The following DYNLRB1 variants were observed in gnomAD, a reference collection of about 807,000 sequenced individuals.
DYNLRB1 encodes dynein light chain roadblock-type 1.
DYNLRB1 carries 6 observed loss-of-function variants against 13.5 expected under a neutral mutation model. The observed-to-expected ratio is 0.44, with a 90% CI of 0.24 to 0.88. The LOEUF is 0.88. DYNLRB1 is among the 40% of genes least tolerant of loss of function. The probability of loss-of-function intolerance (pLI) is 0.21; values close to 1 mark genes in which losing one functional copy is unlikely to be tolerated. For missense variants in DYNLRB1, 93 were observed against 127.2 expected, an observed-to-expected ratio of 0.73 and a Z score of 1.29; for synonymous variants, 43 against 45.0, an observed-to-expected ratio of 0.96 and a Z score of 0.18.
rs754153796 is a variant in DYNLRB1, at chr20:34,516,448, A to G, written c.-11A>G. 5.6e-6 allele frequency: 9 copies of G among 1,613,318 alleles called. No individual in the cohort carries two copies. The highest frequency in any genetic ancestry group is 7.6e-6 in the Non-Finnish European group (9 of 1,179,640). On this transcript the variant is annotated 5_prime_UTR_variant, in exon 1 of 4. Transcript: ENST00000357156. ...AGTGTTCGCTACGCGGGGCTACCGG[A>G]TCGGTCGGAAATGGTGAGCGTGCGC...
chr20:34,539,367 A>AT (rs1295565235), intron 3 of DYNLRB1, among the ~76,000 whole-genome samples: 1 of 152,126 alleles, frequency 6.6e-6, no homozygotes, highest in Non-Finnish European at 1.5e-5. Context: ...AAGCCAACAA[A>AT]TTGAGTTTGT....
chr20:34,522,463 CTTTTTCTTTTTTTTTTTTT>C, intron 1 of DYNLRB1, among the ~76,000 whole-genome samples: 1 of 101,286 alleles, frequency 9.9e-6, no homozygotes, highest in South Asian at 3.2e-4. Context: ...TTTCTTTTTT[CTTTTTCTTTTTTTTTTTTT>C]TTTTTTTTTG....
intron 3 of DYNLRB1, chr20:34,535,199 A>T: frequency 1.0e-6 from 1 of 985,440 alleles, no homozygotes; most frequent in Middle Eastern, 5.2e-4. Context: ...AGCAAGGCGG[A>T]GGGGCGGAAA....
At chr20:34,516,923 A>G (rs1478890294) in intron 1 of DYNLRB1, 1 of 1,376,842 alleles carries the variant, frequency 7.3e-7, no homozygotes, top group Admixed American at 2.8e-5. Context: ...TCTGTTATTC[A>G]GCGCCCCGAG....
chr20:34,516,359 C>T (rs1032020508), upstream of DYNLRB1: 22 of 1,536,208 alleles, frequency 1.4e-5, no homozygotes, highest in Admixed American at 9.5e-5. Flanking sequence ...TCCTGATAGG[C>T]AGCTAGAGCT....
intron 2 of DYNLRB1, 121 bp from the exon 3 acceptor site, chr20:34,534,507 C>T (rs1980967378): frequency 2.4e-6 from 3 of 1,261,204 alleles, no homozygotes; most frequent in Admixed American, 2.8e-5. Context: ...ATAGCAAGCC[C>T]TCTGCGGATG....
intron 3 of DYNLRB1, among the ~76,000 whole-genome samples, chr20:34,537,307 G>A (rs1981225066): frequency 6.6e-6 from 1 of 152,182 alleles, no homozygotes. Context: ...CCTCACTGCT[G>A]CCACTCAAGT....
chr20:34,516,329 C>T, upstream of DYNLRB1: 6 of 1,412,798 alleles, frequency 4.2e-6, no homozygotes, highest in Non-Finnish European at 5.7e-6. Flanking sequence ...TCGGCTCGCC[C>T]GCCCCCGCCT....
intron 1 of DYNLRB1, among the ~76,000 whole-genome samples, chr20:34,523,179 A>G (rs753247002): frequency 2.6e-5 from 4 of 152,122 alleles, no homozygotes; most frequent in African/African-American, 4.8e-5. Context: ...GGAGGTAGTT[A>G]CATCAAGCAG....
chr20:34,517,129 G>C (rs971374751), intron 1 of DYNLRB1, among the ~76,000 whole-genome samples: 5 of 152,116 alleles, frequency 3.3e-5, no homozygotes, highest in Non-Finnish European at 7.4e-5. Flanking sequence ...TCTCAACGCC[G>C]TTACAGGTTT....
At chr20:34,527,201 C>G (rs182042362) in intron 2 of DYNLRB1, among the ~76,000 whole-genome samples, 4 of 152,306 alleles carry the variant, frequency 2.6e-5, no homozygotes, top group Admixed American at 2.0e-4. Flanking sequence ...TGGGTGCTTT[C>G]TCCCGCGCCA....
At chr20:34,516,983 G>GAA (rs1979278109) in intron 1 of DYNLRB1, 1 of 1,280,546 alleles carries the variant, frequency 7.8e-7, no homozygotes, top group South Asian at 2.7e-5. Context: ...TTGAACCCTA[G>GAA]AAGCTTGACG....
intron 2 of DYNLRB1, among the ~76,000 whole-genome samples, chr20:34,529,621 C>T (rs967810065): frequency 5.3e-5 from 8 of 151,384 alleles, no homozygotes; most frequent in Non-Finnish European, 1.0e-4. Context: ...CCCAGCTATT[C>T]GGGAGGCTGA....
At chr20:34,528,311 CAAAAAAA>C (rs59104612) in intron 2 of DYNLRB1, among the ~76,000 whole-genome samples, 1 of 5,204 alleles carries the variant, frequency 1.9e-4, no homozygotes, top group East Asian at 4.0e-3. Context: ...GACTCCGTCT[CAAAAAAA>C]AAAAAAAAAA....
chr20:34,535,823 T>C (rs2146650426), intron 3 of DYNLRB1: 1 of 985,108 alleles, frequency 1.0e-6, no homozygotes. Flanking sequence ...GCAGAGGTTT[T>C]TAGGGCAGGA....
At chr20:34,535,450 A>T in intron 3 of DYNLRB1, 1 of 843,446 alleles carries the variant, frequency 1.2e-6, no homozygotes. Flanking sequence ...AGTCCTTAGG[A>T]TCATTCTCAG....
chr20:34,522,457 TTTTTTCTTTTTC>T (rs1439027868), intron 1 of DYNLRB1, among the ~76,000 whole-genome samples: 2 of 140,862 alleles, frequency 1.4e-5, no homozygotes, highest in African/African-American at 5.3e-5. Flanking sequence ...TCTTTCTTTC[TTTTTTCTTTTTC>T]TTTTTTTTTT....
At chr20:34,516,333 C>T (rs577353617), upstream of DYNLRB1, 26 of 1,427,406 alleles carry the variant, frequency 1.8e-5, no homozygotes, top group Admixed American at 2.9e-4. Context: ...CTCGCCCGCC[C>T]CCGCCTCACG....
At chr20:34,528,011 A>G (rs1980364524) in intron 2 of DYNLRB1, among the ~76,000 whole-genome samples, 1 of 146,262 alleles carries the variant, frequency 6.8e-6, no homozygotes. Context: ...CAATTTAAAA[A>G]CTACCCTACT....
Sources: gnomAD v4.1 joint callset for allele counts (sites outside exome capture counted in the v4.1 genomes callset) on GRCh38, gnomAD v4.1.1 for gene constraint, MANE v1.5 for transcripts, NCBI Gene and HGNC (gene_info 2026-07-23, HGNC 2026-07-21) for gene names.